Variants in WFS1 observed in about 807,000 individuals in gnomAD.
WFS1 encodes the protein wolframin.
In WFS1, 90 loss-of-function variants were observed where a neutral mutation model predicts 68.5. The observed-to-expected ratio is 1.31, with a 90% CI of 1.11 to 1.56. The LOEUF (loss-of-function observed/expected upper bound fraction) is 1.56. Ranked by LOEUF, WFS1 falls within the 40% of genes most tolerant of loss-of-function variation. The probability of loss-of-function intolerance (pLI) is 0.00; values close to 1 mark genes in which losing one functional copy is unlikely to be tolerated. For missense variants in WFS1, 1,767 were observed against 1,232.6 expected (o/e 1.43, Z -6.49); for synonymous variants, 860 against 540.7 (o/e 1.59, Z -8.19).
chr4:6,299,701 A>G (rs1349793048), intron 7 of WFS1, among the ~76,000 whole-genome samples: 9 of 46,054 alleles, frequency 2.0e-4, no homozygotes, highest in Admixed American at 3.0e-4. Context: ...GTGTGTGTGA[A>G]TGTGTGTGTA....
Position 6,301,703 on chromosome 4 carries a change from C to G in WFS1, c.1908C>G (p.Ile636Met), listed in dbSNP as rs752935498. 6.2e-7 allele frequency: 1 copy of G among 1,614,088 alleles called. No individual in the cohort carries two copies. The highest frequency in any genetic ancestry group is 1.1e-5 in the South Asian group (1 of 91,086). ...CGCGGAGCTCCATGGTCAAGCTCAT[C>G]CTGGTGTGGCTCACGGCCATCGTGC... Reference protein sequence around the residue: ...SLTRSSMVKLILVWLTAIVLF... With the variant: ...SLTRSSMVKLMLVWLTAIVLF... Residue 636 changes from isoleucine to methionine, a missense_variant, in exon 8 of 8, where the codon ATC (isoleucine) becomes ATG (methionine). Transcript: ENST00000226760.
rs575470091 is a variant in WFS1, at chr4:6,292,118, G to T, written c.712+121G>T. 1.4e-5 allele frequency: 14 copies of T among 1,013,248 alleles called. No individual in the cohort carries two copies. The African/African-American group carries it at 2.1e-4, about 15-fold the overall frequency. 62.8% of individuals were successfully genotyped at this position (1,013,248 alleles called of 1,614,324 possible). On this transcript the variant is annotated intron_variant, in intron 6 of 7. Coordinates refer to ENST00000226760, the MANE Select transcript of WFS1 (RefSeq NM_006005.3). ...ATCTCACCCGTGCCTCCCAGCCTGC[G>T]CCTGCAGGGCGACCTCTCCTTCCTG...
intron 4 of WFS1, 122 bp from the exon 5 acceptor site, chr4:6,291,075 C>T: frequency 8.6e-7 from 1 of 1,159,198 alleles, no homozygotes; most frequent in Non-Finnish European, 1.3e-6. Context: ...CCCTGGTAAC[C>T]AAGTCCTGAC....
At chr4:6,291,835 C>G in intron 5 of WFS1, 82 bp from the exon 6 acceptor site, 2 of 1,437,178 alleles carry the variant, frequency 1.4e-6, no homozygotes, top group Admixed American at 3.9e-5. Flanking sequence ...GCCCTAGGAA[C>G]AGTGCGCCAG....
intron 2 of WFS1, among the ~76,000 whole-genome samples, chr4:6,285,383 TC>T (rs1258357055): frequency 1.3e-5 from 2 of 148,954 alleles, no homozygotes. Context: ...GAGAGGGGTG[TC>T]CAGGGATGGG....
rs1730351024 is a variant in WFS1 at position 6,287,627 on chromosome 4, G to T, written c.315+452G>T. The stretch of plus-strand genomic sequence containing the variant: ...GGCTGGGCTTTGTGCCAGTGCTGGG[G>T]ACATGATGTGGCCCTCTCTTCATGG... On this transcript the variant is annotated intron_variant, in intron 3 of 7. Transcript: ENST00000226760. This position sits in a 1 kb window ranked among gnomAD's most constrained non-coding sequence, Gnocchi z 6.4. Among the ~76,000 whole-genome samples the T allele has an allele frequency of 6.6e-6, 1 of 152,216 alleles. No homozygotes were observed. Among genetic ancestry groups the T allele is most frequent in the Non-Finnish European group, 1.5e-5 (1 of 68,042 alleles).
chr4:6,274,095 G>T (rs1309759802), intron 1 of WFS1, among the ~76,000 whole-genome samples: 1 of 151,380 alleles, frequency 6.6e-6, no homozygotes, highest in Non-Finnish European at 1.5e-5. Context: ...CACCCAGGCT[G>T]GAGTGCAGTG....
chr4:6,302,140 C>T lies in WFS1; in HGVS notation c.2345C>T (p.Pro782Leu), dbSNP rs1190345260. Residue 782 changes from proline to leucine, a missense_variant, in exon 8 of 8, where the codon CCA becomes CTA. Coordinates refer to ENST00000226760, the MANE Select transcript of WFS1 (RefSeq NM_006005.3). ...AAGTTTGAGATTACCGTGGGCATGC[C>T]ATTCAGCAGCGGCGCTGACGGCTCG... ...RYKFEITVGM[P>L]FSSGADGSRS... The T allele has an allele frequency of 1.2e-6, 2 of 1,612,874 alleles. No homozygotes were observed. The highest frequency in any genetic ancestry group is 1.3e-5 in the African/African-American group (1 of 74,954).
At chr4:6,274,952 C>T (rs916177425) in intron 1 of WFS1, among the ~76,000 whole-genome samples, 2 of 152,100 alleles carry the variant, frequency 1.3e-5, no homozygotes, top group African/African-American at 4.8e-5. Flanking sequence ...TTGAGCAGGT[C>T]CCTCCCCTCC....
At position 6,300,567 on chromosome 4, in the gene WFS1, C is replaced by G. The variant is rs1455946722; in HGVS notation, c.862-90C>G. The G allele has an allele frequency of 3.2e-6, 5 of 1,584,568 alleles. No individual in the cohort carries two copies. The South Asian group carries it at 5.7e-5, about 18-fold the overall frequency. ...AACGCAAGGGTGCGGGTTCCTTTTG[C>G]CCAGAGGCAGGGTGGTCAGAGGGAG... On this transcript the variant is annotated intron_variant, in intron 7 of 7. Transcript: ENST00000226760.
intron 3 of WFS1, chr4:6,288,360 C>A (rs1183185826): frequency 6.4e-6 from 1 of 156,140 alleles, no homozygotes; most frequent in African/African-American, 2.4e-5. Context: ...CTGGGCCTCA[C>A]TTTTTCCATC....
intron 6 of WFS1, among the ~76,000 whole-genome samples, chr4:6,292,822 G>T (rs1730503851): frequency 6.6e-6 from 1 of 152,152 alleles, no homozygotes; most frequent in African/African-American, 2.4e-5. Context: ...CAGACAAGGG[G>T]ACTGAAGGAC....
At chr4:6,270,512 G>A (rs1239743397) in intron 1 of WFS1, among the ~76,000 whole-genome samples, 3 of 152,080 alleles carry the variant, frequency 2.0e-5, no homozygotes, top group Non-Finnish European at 4.4e-5. Flanking sequence ...CGGCCCGCCC[G>A]AGGGGCAGCT....
At position 6,301,114 on chromosome 4, in the gene WFS1, C is replaced by T. The variant is rs775039116; in HGVS notation, c.1319C>T (p.Thr440Ile). 6 of 1,613,646 alleles carry T rather than the reference C, an allele frequency of 3.7e-6. No individual in the cohort carries two copies. In the African/African-American group the frequency reaches 6.7e-5, roughly 18 times the overall value. Residue 440 changes from threonine (T) to isoleucine (I), a missense_variant, in exon 8 of 8, where the codon ACC (threonine) becomes ATC (isoleucine). Transcript: ENST00000226760. Reference sequence around the variant, plus strand: ...CTGGCTGTCATCACCGGCTTCTTTACCGTGACCAGCTACCTGAGCCTGAGC... The same window carrying T: ...CTGGCTGTCATCACCGGCTTCTTTATCGTGACCAGCTACCTGAGCCTGAGC... ...SELAVITGFF[T>I]VTSYLSLSTH... is the part of the protein sequence containing the mutation.
At chr4:6,299,324 C>T (rs941021032) in intron 7 of WFS1, among the ~76,000 whole-genome samples, 2 of 152,202 alleles carry the variant, frequency 1.3e-5, no homozygotes, top group Admixed American at 6.5e-5. Flanking sequence ...CTCTTTCTGA[C>T]CTTAGCGCTG....
At position 6,295,078 on chromosome 4, in the gene WFS1, C is replaced by T; in HGVS notation, c.750C>T (p.Ile250=). 6.2e-7 allele frequency: 1 copy of T among 1,613,602 alleles called. No individual in the cohort carries two copies. The highest frequency in any genetic ancestry group is 8.5e-7 in the Non-Finnish European group (1 of 1,180,032). ...TCGCGCTGGATGACTTTGTGGAGAT[C>T]ACTAAGAAGTACGCCAAGGGCGTCA... The part of the protein sequence containing the change: ...NYIALDDFVE[I]TKKYAKGVIP... The change falls in exon 7 of 8, where the codon ATC becomes ATT. Residue 250 remains isoleucine (I), a synonymous_variant. Coordinates refer to ENST00000226760, the MANE Select transcript of WFS1 (RefSeq NM_006005.3).
At chr4:6,280,969 A>G (rs1229309289) in intron 2 of WFS1, among the ~76,000 whole-genome samples, 2 of 152,190 alleles carry the variant, frequency 1.3e-5, no homozygotes, top group African/African-American at 4.8e-5. Flanking sequence ...TGACCAGGGA[A>G]TCACCCTACT....
Position 6,301,022 on chromosome 4 carries a change from GCTCT to G in WFS1, c.1230_1233del (p.Val412SerfsTer29), listed in dbSNP as rs760337383. 3.1e-5 allele frequency: 50 copies of G among 1,614,030 alleles called. No homozygotes were observed. The highest frequency in any genetic ancestry group is 1.3e-4 in the Admixed American group (8 of 60,010). Reference sequence around the variant, plus strand: ...ACCTGGAGCCCTATGCCCATTTCCTGCTCTCTGTCTTCTTCGTCATCTTCTCCTT... The same window carrying G: ...ACCTGGAGCCCTATGCCCATTTCCTGCTGTCTTCTTCGTCATCTTCTCCTT... On this transcript the variant is annotated frameshift_variant, in exon 8 of 8. Coordinates refer to ENST00000226760, the MANE Select transcript of WFS1 (RefSeq NM_006005.3). LOFTEE classifies it high-confidence loss of function.
rs71526458 is a variant in WFS1, at chr4:6,301,989, C to T, written c.2194C>T (p.Arg732Cys). ...CCCGTTCTTCATCGGCGACTGGATG[C>T]GCTGCCTCTACGGCGAGGCCTACCC... Reference protein sequence around the residue: ...MLPFFIGDWMRCLYGEAYPAC... With the variant: ...MLPFFIGDWMCCLYGEAYPAC... Residue 732 changes from arginine (R) to cysteine (C), a missense_variant, in exon 8 of 8, where the codon CGC (arginine) becomes TGC (cysteine). Arg to Cys is a radical substitution (Grantham distance 180, BLOSUM62 -3). Coordinates refer to ENST00000226760, the MANE Select transcript of WFS1 (RefSeq NM_006005.3). 4.7e-5 allele frequency: 75 copies of T among 1,612,554 alleles called. No homozygotes were observed. In the Middle Eastern group the frequency reaches 6.6e-4, roughly 14 times the overall value.
Sources: gnomAD v4.1 joint callset for allele counts (sites outside exome capture counted in the v4.1 genomes callset) on GRCh38, gnomAD v4.1.1 for gene constraint, Gnocchi (gnomAD v3.1) non-coding constraint, MANE v1.5 for transcripts, NCBI Gene and HGNC (gene_info 2026-07-23, HGNC 2026-07-21) for gene names.